AFAP1: variants seen among roughly 807,000 people sequenced by gnomAD.
The protein encoded by AFAP1 is actin filament-associated protein 1.
A neutral mutation model predicts 93.9 loss-of-function variants in AFAP1; 75 were observed. The ratio of observed to expected loss-of-function variants is 0.80; its 90% CI spans 0.66 to 0.97. The LOEUF is 0.97. AFAP1 is among the 50% of genes least tolerant of loss of function. AFAP1 has a pLI of 0.00. For missense variants in AFAP1, 1,201 were observed against 1,050.8 expected, an observed-to-expected ratio of 1.14 and a Z score of -1.98; for synonymous variants, 517 against 430.7, an observed-to-expected ratio of 1.20 and a Z score of -2.48.
intron 6 of AFAP1, among the ~76,000 whole-genome samples, chr4:7,820,656 G>C (rs143025292): frequency 6.6e-6 from 1 of 152,190 alleles, no homozygotes; most frequent in African/African-American, 2.4e-5. Context: ...GAGAGACTAG[G>C]AGTGGGGGAG....
intron 4 of AFAP1, among the ~76,000 whole-genome samples, chr4:7,853,994 A>G (rs538636896): frequency 1.3e-4 from 20 of 152,222 alleles, no homozygotes; most frequent in Non-Finnish European, 2.6e-4. Context: ...TCCTCAGAAT[A>G]AAAATGACCA....
intron 3 of AFAP1, among the ~76,000 whole-genome samples, chr4:7,861,583 C>T (rs1395365181): frequency 6.6e-6 from 1 of 152,208 alleles, no homozygotes; most frequent in African/African-American, 2.4e-5. Flanking sequence ...TTTACTTATG[C>T]ATGACAAAGA....
chr4:7,936,785 G>A (rs1266776645), intron 1 of AFAP1, among the ~76,000 whole-genome samples: 1 of 152,056 alleles, frequency 6.6e-6, no homozygotes, highest in Non-Finnish European at 1.5e-5. Context: ...GTTTCACCGT[G>A]TTAGCCAGGA....
chr4:7,907,580 C>T (rs2149222695), intron 1 of AFAP1, among the ~76,000 whole-genome samples: 2 of 152,286 alleles, frequency 1.3e-5, no homozygotes, highest in South Asian at 4.1e-4. Context: ...AACCCAGCAC[C>T]CATACAGGAC....
rs1271142542 is a variant in AFAP1 at position 7,819,104 on chromosome 4, G to A, written c.794C>T (p.Ser265Phe). ...VDSECPPPPS[S>F]PVHKAELEKK... The stretch of plus-strand genomic sequence containing the variant: ...CTCCAGTTCTGCCTTGTGCACCGGG[G>A]AGCTTGGTGGAGGAGGACACTCTGA... Residue 265 changes from serine to phenylalanine, a missense_variant, in exon 7 of 18, where the codon TCC becomes TTC. Transcript: ENST00000420658. 6.2e-7 allele frequency: 1 copy of A among 1,613,698 alleles called. No individual in the cohort carries two copies. The highest frequency in any genetic ancestry group is 8.5e-7 in the Non-Finnish European group (1 of 1,179,832).
At chr4:7,917,460 T>A (rs1695781017) in intron 1 of AFAP1, among the ~76,000 whole-genome samples, 1 of 152,180 alleles carries the variant, frequency 6.6e-6, no homozygotes, top group South Asian at 2.1e-4. Context: ...AGAAACACAC[T>A]CACTTTCTGT....
At chr4:7,879,044 C>T (rs1302511608) in intron 1 of AFAP1, among the ~76,000 whole-genome samples, 1 of 152,092 alleles carries the variant, frequency 6.6e-6, no homozygotes, top group Non-Finnish European at 1.5e-5. Flanking sequence ...ACTAATAGTT[C>T]TTACACTAAA....
In AFAP1 at chr4:7,916,444, C is replaced by A. The variant is rs544977574; in HGVS notation, c.-3+23212G>T. On this transcript the variant is annotated intron_variant, in intron 1 of 17. Coordinates refer to ENST00000420658, the MANE Select transcript of AFAP1 (RefSeq NM_001134647.2). ...ACTTGCGTCTCAAAAAGCTTCCAGC[C>A]CCTGCTCTAAACCCTGTGGCTCCTC... 5.3e-5 allele frequency among the ~76,000 whole-genome samples: 8 copies of A among 152,292 alleles called. No homozygotes were observed. The East Asian group carries it at 1.2e-3, about 22-fold the overall frequency.
Position 7,805,880 on chromosome 4 carries a change from T to G in AFAP1, c.1054+3734A>C, listed in dbSNP as rs555634030. ...TGGTTTTTCTCAATGCAGAATGTGA[T>G]ACGGTTAGTCTAACGTTTCAAAACT... On this transcript the variant is annotated intron_variant, in intron 9 of 17. Coordinates refer to ENST00000420658, the MANE Select transcript of AFAP1 (RefSeq NM_001134647.2). 2.6e-5 allele frequency among the ~76,000 whole-genome samples: 4 copies of G among 152,314 alleles called. No homozygotes were observed. The East Asian group carries it at 7.7e-4, about 29-fold the overall frequency.
At chr4:7,904,762 A>G (rs1459300381) in intron 1 of AFAP1, among the ~76,000 whole-genome samples, 2 of 152,142 alleles carry the variant, frequency 1.3e-5, no homozygotes, top group Admixed American at 1.3e-4. Flanking sequence ...GCTGGAGTGC[A>G]GTGGCGCGAT....
intron 9 of AFAP1, among the ~76,000 whole-genome samples, chr4:7,805,747 C>T (rs752053019): frequency 6.6e-6 from 1 of 152,182 alleles, no homozygotes; most frequent in Non-Finnish European, 1.5e-5. Flanking sequence ...TGGACACAGG[C>T]AGTGAGCCAA....
At position 7,803,599 on chromosome 4, in the gene AFAP1, G is replaced by A. The variant is rs150516599; in HGVS notation, c.1055-2946C>T. On this transcript the variant is annotated intron_variant, in intron 9 of 17. Coordinates refer to ENST00000420658, the MANE Select transcript of AFAP1 (RefSeq NM_001134647.2). ...GAGGGCATGGACTCTGCAGTGGGGC[G>A]GCAATTCCCAACCACAGGGGGTCCA... Among the ~76,000 whole-genome samples the A allele has an allele frequency of 7.7e-3, 1,166 of 151,884 alleles. 14 individuals are homozygous for A. The highest frequency in any genetic ancestry group is 0.021 in the Middle Eastern group (6 of 292).
chr4:7,920,546 G>A (rs1358624463), intron 1 of AFAP1, among the ~76,000 whole-genome samples: 1 of 152,150 alleles, frequency 6.6e-6, no homozygotes, highest in Non-Finnish European at 1.5e-5. Context: ...TATCAAGGAA[G>A]AGAGCTAACT....
chr4:7,760,193 C>T lies in AFAP1; in HGVS notation c.*3572G>A, dbSNP rs1470833252. On this transcript the variant is annotated 3_prime_UTR_variant, in exon 18 of 18. Coordinates refer to ENST00000420658, the MANE Select transcript of AFAP1 (RefSeq NM_001134647.2). The stretch of plus-strand genomic sequence containing the variant: ...GGTGGCCTCCAGAGCTGAGGCCACA[C>T]TTTTTGAAACAGACTTTTCAAAAGG... 2.0e-5 allele frequency: 3 copies of T among 152,214 alleles called. No individual in the cohort carries two copies. The highest frequency in any genetic ancestry group is 4.8e-5 in the African/African-American group (2 of 41,464). The allele number at this position is 152,214 out of a possible 1,614,324, so 9.4% of individuals were successfully genotyped here.
chr4:7,816,761 C>T (rs755860203), intron 7 of AFAP1, among the ~76,000 whole-genome samples: 3 of 152,194 alleles, frequency 2.0e-5, no homozygotes, highest in South Asian at 2.1e-4. Flanking sequence ...CTCCAAACAC[C>T]GTCCTCAGAG....
intron 13 of AFAP1, among the ~76,000 whole-genome samples, chr4:7,780,329 C>T (rs746537875): frequency 3.3e-5 from 5 of 152,142 alleles, no homozygotes; most frequent in African/African-American, 7.2e-5. Flanking sequence ...TTGATGAAGC[C>T]GACCTATTGG....
In AFAP1 at chr4:7,812,239, C is replaced by T. The variant is rs546888409; in HGVS notation, c.905-2476G>A. 9.2e-5 allele frequency among the ~76,000 whole-genome samples: 14 copies of T among 152,216 alleles called. No homozygotes were observed. In the South Asian group the frequency reaches 2.9e-3, roughly 32 times the overall value. On this transcript the variant is annotated intron_variant, in intron 8 of 17. Coordinates refer to ENST00000420658, the MANE Select transcript of AFAP1 (RefSeq NM_001134647.2). ...CTGTTGGCCAGGACAGCCCGAGTGC[C>T]CGGGGCACCCTCAGAAAGGCTGGTG...
chr4:7,848,254 G>A (rs1046472159), intron 4 of AFAP1, among the ~76,000 whole-genome samples: 8 of 148,180 alleles, frequency 5.4e-5, no homozygotes, highest in African/African-American at 2.0e-4. Context: ...AGGGAGGGAG[G>A]GAAGGAAGGG....
At chr4:7,868,099 A>C (rs1716627666) in intron 3 of AFAP1, among the ~76,000 whole-genome samples, 1 of 152,056 alleles carries the variant, frequency 6.6e-6, no homozygotes, top group African/African-American at 2.4e-5. Context: ...AAAAAAAAAA[A>C]ACAACAAATT....
Sources: allele counts gnomAD v4.1 joint callset (sites outside exome capture counted in the v4.1 genomes callset), GRCh38; gene constraint gnomAD v4.1.1; transcripts MANE v1.5; gene names NCBI Gene and HGNC (gene_info 2026-07-23, HGNC 2026-07-21).